The following RASGRF1 variants were observed in gnomAD, a reference collection of about 807,000 sequenced individuals.
RASGRF1 encodes Ras protein specific guanine nucleotide releasing factor 1.
RASGRF1 carries 40 observed loss-of-function variants against 138.7 expected under a neutral mutation model. That is an observed-to-expected ratio of 0.29 (90% CI 0.22 to 0.38). The LOEUF is 0.38. Ranked by LOEUF, RASGRF1 falls within the 10% of genes least tolerant of loss-of-function variation. RASGRF1 has a pLI of 1.00. For missense variants in RASGRF1, 1,108 were observed against 1,650.4 expected, an observed-to-expected ratio of 0.67 and a Z score of 5.69; for synonymous variants, 614 against 663.2, an observed-to-expected ratio of 0.93 and a Z score of 1.14.
At chr15:79,018,099 C>T (rs955240892) in intron 11 of RASGRF1, among the ~76,000 whole-genome samples, 193 bp from the exon 12 acceptor site, 5 of 152,258 alleles carry the variant, frequency 3.3e-5, no homozygotes, top group East Asian at 1.9e-4. Context: ...AGAACTAAGA[C>T]GTAGCTTACA....
intron 5 of RASGRF1, among the ~76,000 whole-genome samples, chr15:79,045,885 T>C (rs1231058354): frequency 1.3e-5 from 2 of 152,246 alleles, no homozygotes; most frequent in African/African-American, 2.4e-5. Context: ...GAATGCTGAA[T>C]ATTTGAAAAG....
intron 9 of RASGRF1, 61 bp from the exon 10 acceptor site, chr15:79,025,535 A>G: frequency 1.9e-6 from 3 of 1,543,096 alleles, no homozygotes; most frequent in Non-Finnish European, 2.6e-6. Context: ...CCTCTGACCC[A>G]GCCTTGAAGG....
rs546230860 is a variant in RASGRF1 at position 79,024,030 on chromosome 15, C to CAT, written c.1542+1283_1542+1284insAT. Reference sequence around the variant, plus strand: ...CACAGATACACACATCACACACACACACACATACAAACACACACACACACA... The same window carrying CAT: ...CACAGATACACACATCACACACACACATACACATACAAACACACACACACACA... On this transcript the variant is annotated intron_variant, in intron 10 of 26. Transcript: ENST00000558480. Among the ~76,000 whole-genome samples the CAT allele has an allele frequency of 1.7e-3, 256 of 149,176 alleles. 1 individual carries two copies. Among genetic ancestry groups the CAT allele is most frequent in the African/African-American group, 6.1e-3 (242 of 39,500 alleles).
At chr15:79,033,581 C>CTTTTTTTTTTTTT (rs71148586) in intron 6 of RASGRF1, among the ~76,000 whole-genome samples, 566 of 93,690 alleles carry the variant, frequency 6.0e-3, no homozygotes, top group East Asian at 7.1e-3. Context: ...TTTTTCTTTT[C>CTTTTTTTTTTTTT]TTTTTTTTTT....
At chr15:79,022,864 T>C (rs184991029) in intron 10 of RASGRF1, among the ~76,000 whole-genome samples, 67 of 152,324 alleles carry the variant, frequency 4.4e-4, no homozygotes, top group African/African-American at 1.5e-3. Flanking sequence ...GTTTATCTGA[T>C]GCTGTGGCTT....
intron 5 of RASGRF1, among the ~76,000 whole-genome samples, chr15:79,036,101 C>A (rs575140787): frequency 6.6e-6 from 1 of 152,342 alleles, no homozygotes; most frequent in African/African-American, 2.4e-5. Flanking sequence ...TCTCCCAGGA[C>A]AAGCTGTGAG....
intron 11 of RASGRF1, 129 bp downstream of exon 11, chr15:79,019,912 G>A: frequency 9.2e-7 from 1 of 1,086,764 alleles, no homozygotes; most frequent in Non-Finnish European, 1.4e-6. Context: ...GGCATGTGTG[G>A]ACCTCCCCTC....
chr15:78,973,425 G>A lies in RASGRF1; in HGVS notation c.3495-5C>T. On this transcript the variant is annotated splice_polypyrimidine_tract_variant and splice_region_variant and intron_variant, in intron 24 of 26. Coordinates refer to ENST00000558480, the MANE Select transcript of RASGRF1 (RefSeq NM_001145648.3). The surrounding 1 kb of genome is among the most constrained non-coding windows in gnomAD (Gnocchi z 4.9). ...GGGACACAGGGTGGGTCACAACTTG[G>A]AAGCAAACGGCATTAACACAAGTTT... 1 of 1,579,300 alleles carries A rather than the reference G, an allele frequency of 6.3e-7. No homozygotes were observed. Among genetic ancestry groups the A allele is most frequent in the African/African-American group, 1.4e-5 (1 of 73,810 alleles).
In RASGRF1 at chr15:78,970,511, T is replaced by C. The variant is rs1444565626; in HGVS notation, c.3681+1355A>G. On this transcript the variant is annotated intron_variant, in intron 26 of 26. Transcript: ENST00000558480. ...TAAGGACAAAGTCCCTGATCCCAGC[T>C]ATGCGGGAGGCTGAGACAGAAGAAT... Among the ~76,000 whole-genome samples, 4 of 148,114 alleles carry C rather than the reference T, an allele frequency of 2.7e-5. No homozygotes were observed. In the Admixed American group the frequency reaches 2.7e-4, roughly 10 times the overall value.
In RASGRF1 at chr15:79,035,176, G is replaced by T; in HGVS notation, c.913C>A (p.Gln305Lys). 1 of 1,613,774 alleles carries T rather than the reference G, an allele frequency of 6.2e-7. No homozygotes were observed. The highest frequency in any genetic ancestry group is 8.5e-7 in the Non-Finnish European group (1 of 1,179,828). ...TIMFLHQIFY[Q>K]GLKARISSWP... is the part of the protein sequence containing the mutation. ...CTGGAGATGCGGGCCTTCAGGCCTT[G>T]GTAAAAGATCTGATGTAAAAACATG... Residue 305 changes from glutamine to lysine, a missense_variant, in exon 6 of 27, where the codon CAA (glutamine) becomes AAA (lysine). Transcript: ENST00000558480.
At chr15:78,997,372 G>A (rs1351171418) in intron 19 of RASGRF1, among the ~76,000 whole-genome samples, 1 of 152,212 alleles carries the variant, frequency 6.6e-6, no homozygotes, top group African/African-American at 2.4e-5. Context: ...CGGGGGTGAA[G>A]CTGAGGCTGC....
At chr15:79,002,326 C>T (rs1270695381) in intron 15 of RASGRF1, among the ~76,000 whole-genome samples, 1 of 152,128 alleles carries the variant, frequency 6.6e-6, no homozygotes, top group Non-Finnish European at 1.5e-5. Flanking sequence ...GACTCCTGGT[C>T]CACACACCCT....
At chr15:79,034,480 A>C (rs2057190254) in intron 6 of RASGRF1, among the ~76,000 whole-genome samples, 1 of 152,214 alleles carries the variant, frequency 6.6e-6, no homozygotes, top group Non-Finnish European at 1.5e-5. Context: ...CATCCCAAGG[A>C]AATGATCTCT....
intron 10 of RASGRF1, among the ~76,000 whole-genome samples, chr15:79,023,152 C>T (rs540367391): frequency 4.1e-4 from 62 of 151,188 alleles, no homozygotes; most frequent in African/African-American, 1.3e-3. Flanking sequence ...CCAGTCTGGG[C>T]GATAGACTGA....
At chr15:78,977,162 C>G (rs931923995) in intron 24 of RASGRF1, among the ~76,000 whole-genome samples, 1 of 152,220 alleles carries the variant, frequency 6.6e-6, no homozygotes, top group Non-Finnish European at 1.5e-5. Flanking sequence ...CAACCCGAGA[C>G]AAGCAATGAG....
intron 1 of RASGRF1, 90 bp from the exon 2 acceptor site, chr15:79,064,616 C>G: frequency 8.4e-7 from 1 of 1,185,016 alleles, no homozygotes. Context: ...TTGCAAAGTG[C>G]CTGCTGCCAC....
In RASGRF1 at chr15:79,001,940, C is replaced by T. The variant is rs999262824; in HGVS notation, c.2450-153G>A. ...AAGAAAGTTTAACAGCTTTGTTTCCCGCAGGACTCATCAGAACCTTTCTCT... is the reference window on the plus strand; with the variant it reads ...AAGAAAGTTTAACAGCTTTGTTTCCTGCAGGACTCATCAGAACCTTTCTCT... On this transcript the variant is annotated intron_variant, in intron 15 of 26. Coordinates refer to ENST00000558480, the MANE Select transcript of RASGRF1 (RefSeq NM_001145648.3). Among the ~76,000 whole-genome samples the T allele has an allele frequency of 4.6e-5, 7 of 152,160 alleles. No homozygotes were observed. In the South Asian group the frequency reaches 6.2e-4, roughly 14 times the overall value.
At chr15:79,056,053 A>AC (rs891965350) in intron 3 of RASGRF1, among the ~76,000 whole-genome samples, 3 of 152,126 alleles carry the variant, frequency 2.0e-5, no homozygotes, top group African/African-American at 7.2e-5. Flanking sequence ...AGCAGGGAGC[A>AC]CCCTCTGAGG....
intron 22 of RASGRF1, chr15:78,985,460 C>T: frequency 2.6e-6 from 1 of 388,480 alleles, no homozygotes; most frequent in Non-Finnish European, 4.7e-6. Flanking sequence ...CAATGGGAAT[C>T]TGTAAATACC....
Sources: allele counts gnomAD v4.1 joint callset (sites outside exome capture counted in the v4.1 genomes callset), GRCh38; gene constraint gnomAD v4.1.1; non-coding constraint Gnocchi (gnomAD v3.1); transcripts MANE v1.5; gene names NCBI Gene and HGNC (gene_info 2026-07-23, HGNC 2026-07-21).